The following HHAT variants were observed in gnomAD, a reference collection of about 807,000 sequenced individuals.
HHAT encodes the protein protein-cysteine N-palmitoyltransferase HHAT.
Under a neutral mutation model 70.8 loss-of-function variants are expected in HHAT, and 47 were observed. That is an observed-to-expected ratio of 0.66 (90% confidence interval 0.53 to 0.85). The LOEUF (loss-of-function observed/expected upper bound fraction) is 0.85. Ranked by LOEUF, HHAT falls within the 40% of genes least tolerant of loss-of-function variation. The pLI is 0.00. For missense variants in HHAT, 609 were observed against 604.8 expected (o/e 1.01, Z -0.07); for synonymous variants, 228 against 247.6 (o/e 0.92, Z 0.74).
chr1:210,473,991 T>A (rs1174362803), intron 8 of HHAT, among the ~76,000 whole-genome samples: 5 of 152,170 alleles, frequency 3.3e-5, no homozygotes, highest in Admixed American at 3.3e-4. Flanking sequence ...AATTTCACAT[T>A]TATATGCAAT....
At chr1:210,329,284 C>T (rs1305863729) in intron 1 of HHAT, 180 bp downstream of exon 1, 10 of 1,225,830 alleles carry the variant, frequency 8.2e-6, no homozygotes, top group African/African-American at 1.6e-5. Flanking sequence ...ACAAAAGCGG[C>T]GGGGGCCGCG....
chr1:210,444,359 A>G (rs938591172), intron 7 of HHAT, among the ~76,000 whole-genome samples: 2 of 142,066 alleles, frequency 1.4e-5, no homozygotes, highest in Admixed American at 7.0e-5. Flanking sequence ...TGCTGGCCTC[A>G]TAAAATGAGT....
At chr1:210,498,967 A>G (rs2094703035) in intron 8 of HHAT, among the ~76,000 whole-genome samples, 1 of 151,854 alleles carries the variant, frequency 6.6e-6, no homozygotes, top group Non-Finnish European at 1.5e-5. Flanking sequence ...ACCAGGTTTC[A>G]CCATGTTGGC....
chr1:210,489,189 T>A (rs1406827551), intron 8 of HHAT, among the ~76,000 whole-genome samples: 1 of 152,242 alleles, frequency 6.6e-6, no homozygotes, highest in Non-Finnish European at 1.5e-5. Flanking sequence ...CAGTGCAAGT[T>A]ATTTCTTTAA....
At chr1:210,626,122 T>C (rs115490668) in intron 11 of HHAT, among the ~76,000 whole-genome samples, 2,643 of 151,632 alleles carry the variant, frequency 0.017, 38 homozygotes, top group Middle Eastern at 0.034. Flanking sequence ...GCCAGGGGAG[T>C]AGACACAATT....
At chr1:210,382,290 T>C (rs893762307) in intron 3 of HHAT, among the ~76,000 whole-genome samples, 4 of 152,346 alleles carry the variant, frequency 2.6e-5, no homozygotes, top group African/African-American at 9.6e-5. Context: ...TTCTTTCCTT[T>C]AGCCTAGAAA....
intron 9 of HHAT, among the ~76,000 whole-genome samples, chr1:210,585,946 G>A (rs1056416488): frequency 6.6e-6 from 1 of 152,114 alleles, no homozygotes; most frequent in African/African-American, 2.4e-5. Flanking sequence ...TTGCAGGTGG[G>A]GGGTTCGTTC....
At chr1:210,382,786 T>G (rs763742427) in intron 3 of HHAT, among the ~76,000 whole-genome samples, 2 of 152,026 alleles carry the variant, frequency 1.3e-5, no homozygotes, top group African/African-American at 4.8e-5. Flanking sequence ...ATAAATGAGG[T>G]GCACTCTAGG....
At chr1:210,578,906 C>T (rs927858253) in intron 9 of HHAT, among the ~76,000 whole-genome samples, 3 of 152,120 alleles carry the variant, frequency 2.0e-5, no homozygotes, top group African/African-American at 7.2e-5. Flanking sequence ...TGGAATCAAC[C>T]TAAAAGCCCA....
Position 210,642,103 on chromosome 1 carries a change from C to T in HHAT, c.1390+18433C>T, listed in dbSNP as rs114405816. Among the ~76,000 whole-genome samples, 1,209 of 152,212 alleles carry T rather than the reference C, an allele frequency of 7.9e-3. 18 individuals carry two copies. The highest frequency in any genetic ancestry group is 0.028 in the African/African-American group (1,152 of 41,506). Reference sequence around the variant, plus strand: ...TAAGCCCTATGATTTTAGTTGCATGCGTTTGCATATTGCGTTACTTTTGAG... The same window carrying T: ...TAAGCCCTATGATTTTAGTTGCATGTGTTTGCATATTGCGTTACTTTTGAG... On this transcript the variant is annotated intron_variant, in intron 11 of 11. Transcript: ENST00000261458.
chr1:210,568,170 C>G lies in HHAT; in HGVS notation c.1044-19728C>G, dbSNP rs978989897. On this transcript the variant is annotated intron_variant, in intron 9 of 11. Transcript: ENST00000261458. ...ATCAATCATTCCTACATAATGAAGT[C>G]TCCATAGAAGTCCGAAAGGACAGAG... is the stretch of plus-strand genomic sequence containing the variant. Among the ~76,000 whole-genome samples the G allele has an allele frequency of 2.6e-5, 4 of 152,218 alleles. No homozygotes were observed. The South Asian group carries it at 8.3e-4, about 32-fold the overall frequency.
intron 8 of HHAT, among the ~76,000 whole-genome samples, chr1:210,494,542 C>CTTTTTTTTTTTTTTTTTTTTTTTTTT (rs71146226): frequency 1.8e-4 from 15 of 82,856 alleles, no homozygotes; most frequent in Admixed American, 5.0e-4. Flanking sequence ...TTTGAAATAG[C>CTTTTTTTTTTTTTTTTTTTTTTTTTT]TTTTTTTTTT....
intron 9 of HHAT, among the ~76,000 whole-genome samples, chr1:210,549,984 G>A (rs979708854): frequency 2.0e-5 from 3 of 149,296 alleles, no homozygotes; most frequent in Non-Finnish European, 2.9e-5. Flanking sequence ...CCACAGAAGA[G>A]AATGTTTACT....
intron 11 of HHAT, among the ~76,000 whole-genome samples, chr1:210,649,055 T>G (rs1248338144): frequency 6.6e-6 from 1 of 152,330 alleles, no homozygotes; most frequent in South Asian, 2.1e-4. Context: ...TGAAAATAGC[T>G]TCCTTGGAAT....
chr1:210,392,738 T>A (rs2148164826), intron 4 of HHAT, among the ~76,000 whole-genome samples: 1 of 152,214 alleles, frequency 6.6e-6, no homozygotes, highest in East Asian at 1.9e-4. Context: ...GCCCAGTCAT[T>A]ACTAATTTTA....
chr1:210,404,827 A>G, intron 6 of HHAT, 148 bp downstream of exon 6: 1 of 616,846 alleles, frequency 1.6e-6, no homozygotes, highest in East Asian at 2.8e-5. Context: ...GTTTTTTGTA[A>G]TAGATGAAAT....
chr1:210,525,234 A>G (rs1216615791), intron 9 of HHAT, among the ~76,000 whole-genome samples: 1 of 151,842 alleles, frequency 6.6e-6, no homozygotes, highest in Non-Finnish European at 1.5e-5. Flanking sequence ...GGACACAGAG[A>G]CCCTCTAAAT....
intron 9 of HHAT, 88 bp downstream of exon 9, chr1:210,513,276 A>C: frequency 1.4e-6 from 1 of 713,728 alleles, no homozygotes; most frequent in Non-Finnish European, 2.5e-6. Context: ...AAGTATCTTG[A>C]TAAATAATGG....
intron 9 of HHAT, among the ~76,000 whole-genome samples, chr1:210,536,545 C>G (rs1031015092): frequency 1.3e-5 from 2 of 152,216 alleles, no homozygotes; most frequent in African/African-American, 4.8e-5. Context: ...TCTGCTGTAT[C>G]ATTTACAGTG....
Sources: gnomAD v4.1 joint callset for allele counts (sites outside exome capture counted in the v4.1 genomes callset) on GRCh38, gnomAD v4.1.1 for gene constraint, MANE v1.5 for transcripts, NCBI Gene and HGNC (gene_info 2026-07-23, HGNC 2026-07-21) for gene names.